The following NAALADL2 variants were observed in gnomAD, a reference collection of about 807,000 sequenced individuals.
NAALADL2 encodes the protein inactive N-acetylated-alpha-linked acidic dipeptidase-like protein 2.
Under a neutral mutation model 87.2 loss-of-function variants are expected in NAALADL2, and 76 were observed. The observed-to-expected ratio is 0.87, with a 90% confidence interval of 0.72 to 1.05. The LOEUF (loss-of-function observed/expected upper bound fraction) is 1.05. NAALADL2 is among the 50% of genes least tolerant of loss of function. The pLI, the probability that NAALADL2 is intolerant of heterozygous loss-of-function variation, is 0.00. For missense variants in NAALADL2, 1,089 were observed against 945.8 expected (o/e 1.15, Z -1.99); for synonymous variants, 354 against 331.0 (o/e 1.07, Z -0.75).
At chr3:175,186,218 C>T (rs1353307659) in intron 2 of NAALADL2, among the ~76,000 whole-genome samples, 1 of 152,012 alleles carries the variant, frequency 6.6e-6, no homozygotes, top group African/African-American at 2.4e-5. Flanking sequence ...TAGTGTCAGT[C>T]TTCATTATAC....
At chr3:174,494,125 AC>A (rs1395961866) in intron 1 of NAALADL2, among the ~76,000 whole-genome samples, 1 of 152,148 alleles carries the variant, frequency 6.6e-6, no homozygotes, top group African/African-American at 2.4e-5. Flanking sequence ...ATCAGGTTGC[AC>A]TTGGGGAAAC....
intron 4 of NAALADL2, among the ~76,000 whole-genome samples, chr3:175,282,091 G>A (rs924436983): frequency 6.6e-6 from 1 of 151,942 alleles, no homozygotes; most frequent in African/African-American, 2.4e-5. Context: ...AATATTTTAT[G>A]ATTGAATTAT....
At chr3:175,625,188 G>A (rs13313871) in intron 10 of NAALADL2, among the ~76,000 whole-genome samples, 1 of 152,032 alleles carries the variant, frequency 6.6e-6, no homozygotes, top group East Asian at 1.9e-4. Context: ...TGCTAATATT[G>A]TTCCACATTT....
At chr3:174,825,224 G>C (rs544671590) in intron 3 of NAALADL2, among the ~76,000 whole-genome samples, 1 of 152,340 alleles carries the variant, frequency 6.6e-6, no homozygotes, top group East Asian at 1.9e-4. Context: ...ACTCAAGAAG[G>C]CTGGCAGTAT....
At chr3:175,712,033 G>A (rs1363363429) in intron 11 of NAALADL2, among the ~76,000 whole-genome samples, 1 of 151,820 alleles carries the variant, frequency 6.6e-6, no homozygotes, top group Non-Finnish European at 1.5e-5. Context: ...CATATGATAT[G>A]ATCTATTTGT....
At chr3:175,172,102 T>TGA (rs1324667395) in intron 2 of NAALADL2, among the ~76,000 whole-genome samples, 1 of 152,072 alleles carries the variant, frequency 6.6e-6, no homozygotes, top group African/African-American at 2.4e-5. Context: ...GTACTCAAGG[T>TGA]GATACCCCAA....
At chr3:175,224,355 G>A (rs1016652690) in intron 2 of NAALADL2, among the ~76,000 whole-genome samples, 6 of 152,250 alleles carry the variant, frequency 3.9e-5, no homozygotes, top group Admixed American at 2.6e-4. Context: ...CTCACAGCCC[G>A]AACCCCTGTG....
At chr3:175,277,157 T>G (rs1176389432) in intron 4 of NAALADL2, among the ~76,000 whole-genome samples, 1 of 152,190 alleles carries the variant, frequency 6.6e-6, no homozygotes, top group Non-Finnish European at 1.5e-5. Flanking sequence ...AAATTGGAAT[T>G]GGCCTTTGAT....
At chr3:175,657,845 G>A (rs146485753) in intron 11 of NAALADL2, among the ~76,000 whole-genome samples, 2 of 152,102 alleles carry the variant, frequency 1.3e-5, no homozygotes, top group African/African-American at 4.8e-5. Flanking sequence ...CAAAGTGCTA[G>A]GATTACAGGC....
intron 2 of NAALADL2, among the ~76,000 whole-genome samples, chr3:174,648,564 G>A (rs1724041521): frequency 6.6e-6 from 1 of 151,820 alleles, no homozygotes. Context: ...AAAGAAAAAT[G>A]TTACTTTATT....
chr3:175,119,857 T>G (rs1472902642), intron 2 of NAALADL2, among the ~76,000 whole-genome samples: 6 of 141,280 alleles, frequency 4.2e-5, no homozygotes, highest in Non-Finnish European at 7.6e-5. Context: ...ATAGCTTATG[T>G]AAGTGTGTAT....
At chr3:175,526,362 A>T (rs1014617402) in intron 9 of NAALADL2, among the ~76,000 whole-genome samples, 1 of 152,166 alleles carries the variant, frequency 6.6e-6, no homozygotes, top group Non-Finnish European at 1.5e-5. Flanking sequence ...TGGAAGGAGG[A>T]ATTTGCAGTC....
intron 1 of NAALADL2, among the ~76,000 whole-genome samples, chr3:174,977,525 A>G (rs1419090172): frequency 1.3e-5 from 2 of 152,242 alleles, no homozygotes; most frequent in African/African-American, 2.4e-5. Flanking sequence ...TTTGTACAAA[A>G]TGCTTTTCCA....
intron 9 of NAALADL2, among the ~76,000 whole-genome samples, chr3:175,513,375 G>C (rs147108473): frequency 6.6e-6 from 1 of 151,990 alleles, no homozygotes; most frequent in Non-Finnish European, 1.5e-5. Context: ...CACTTTTTGC[G>C]TGCTCAAAAA....
intron 12 of NAALADL2, among the ~76,000 whole-genome samples, chr3:175,749,183 A>G (rs1746308584): frequency 1.8e-5 from 1 of 56,090 alleles, no homozygotes; most frequent in Non-Finnish European, 3.1e-5. Context: ...AGGAGAAGGG[A>G]GAGGAGGGGA....
chr3:175,268,684 T>C (rs1468752429), intron 4 of NAALADL2, among the ~76,000 whole-genome samples: 1 of 152,088 alleles, frequency 6.6e-6, no homozygotes, highest in East Asian at 1.9e-4. Context: ...TAGAAGTCCT[T>C]TTCTATTTTT....
intron 5 of NAALADL2, among the ~76,000 whole-genome samples, chr3:175,350,803 G>A (rs1040177256): frequency 2.6e-5 from 4 of 152,100 alleles, no homozygotes; most frequent in African/African-American, 9.7e-5. Context: ...GGCCTCTGGG[G>A]AAATGTGTTT....
intron 12 of NAALADL2, among the ~76,000 whole-genome samples, chr3:175,747,546 T>C (rs58346866): frequency 0.033 from 5,072 of 152,282 alleles, 272 homozygotes; most frequent in East Asian, 0.24. Context: ...ATAAAAATGT[T>C]TGTTGGTTTC....
intron 7 of NAALADL2, among the ~76,000 whole-genome samples, chr3:175,466,672 G>C (rs527922947): frequency 1.3e-5 from 2 of 152,170 alleles, no homozygotes; most frequent in East Asian, 3.9e-4. Context: ...TCTGAGTCTG[G>C]AAAAATGTTA....
Sources: gnomAD v4.1 joint callset for allele counts (sites outside exome capture counted in the v4.1 genomes callset) on GRCh38, gnomAD v4.1.1 for gene constraint, MANE v1.5 for transcripts, NCBI Gene and HGNC (gene_info 2026-07-23, HGNC 2026-07-21) for gene names.